The following PAXIP1 variants were observed in gnomAD, a reference collection of about 807,000 sequenced individuals.
The protein encoded by PAXIP1 is PAX interacting protein 1.
In PAXIP1, 19 loss-of-function variants were observed where a neutral mutation model predicts 140.6. The ratio of observed to expected loss-of-function variants is 0.14; its 90% CI spans 0.09 to 0.20. The LOEUF (loss-of-function observed/expected upper bound fraction) is 0.20, where lower values mean the gene tolerates loss of function less well. Among genes scored for constraint, PAXIP1 ranks in the 10% least tolerant of loss-of-function variants. PAXIP1 has a pLI of 1.00. For synonymous variants in PAXIP1, 442 were observed against 444.6 expected (o/e 0.99, Z 0.07); for missense variants, 920 against 1,208.6 (o/e 0.76, Z 3.54).
chr7:154,944,076 G>T lies in PAXIP1; in HGVS notation c.*73C>A. On this transcript the variant is annotated 3_prime_UTR_variant, in exon 21 of 21. Transcript: ENST00000404141. ...GAAAACAAGAGCATGTGAAGGAAGC[G>T]CAGCAGCTCCTCGCCAGCCAGACAG... 1 of 1,458,910 alleles carries T rather than the reference G, an allele frequency of 6.9e-7. No individual in the cohort carries two copies. Among genetic ancestry groups the T allele is most frequent in the Non-Finnish European group, 9.6e-7 (1 of 1,044,136 alleles). The allele number at this position is 1,458,910 out of a possible 1,614,324, so 90.4% of individuals were successfully genotyped here. A position where few individuals can be genotyped will look rare whatever the true frequency, so the allele number is the denominator to read the frequency against.
At chr7:154,997,107 G>C (rs1810668518) in intron 2 of PAXIP1, among the ~76,000 whole-genome samples, 1 of 152,174 alleles carries the variant, frequency 6.6e-6, no homozygotes, top group Non-Finnish European at 1.5e-5. Flanking sequence ...TTCCAAAGAA[G>C]AGGGTGCCCC....
At chr7:154,981,241 C>T (rs1462193676) in intron 5 of PAXIP1, among the ~76,000 whole-genome samples, 14 of 152,268 alleles carry the variant, frequency 9.2e-5, no homozygotes, top group Non-Finnish European at 1.8e-4. Context: ...CACTGTACGC[C>T]GCAAGCAGCA....
At position 154,975,810 on chromosome 7, in the gene PAXIP1, T is replaced by G. The variant is rs1234003641; in HGVS notation, c.960A>C (p.Gln320His). 6.2e-7 allele frequency: 1 copy of G among 1,613,766 alleles called. No homozygotes were observed. The highest frequency in any genetic ancestry group is 8.5e-7 in the Non-Finnish European group (1 of 1,179,786). ...CTATCATTTCTGATCTTTCAGAACT[T>G]TGGAGGTTTTGTCCAGCAGCCATTA... The part of the protein sequence containing the change: ...GNLMAAGQNL[Q>H]SSERSEMIAT... Residue 320 changes from glutamine (Q) to histidine (H), a missense_variant, in exon 6 of 21, where the codon CAA (glutamine) becomes CAC (histidine). Gln to His is a conservative substitution (Grantham distance 24). Around this residue, in one of 5 missense-constraint regions of PAXIP1, gnomAD observed 419 missense variants for 514.7 expected, o/e 0.81. Coordinates refer to ENST00000404141, the MANE Select transcript of PAXIP1 (RefSeq NM_007349.4).
chr7:154,957,596 T>TC (rs1296404957), intron 13 of PAXIP1, among the ~76,000 whole-genome samples: 1 of 152,208 alleles, frequency 6.6e-6, no homozygotes, highest in African/African-American at 2.4e-5. Flanking sequence ...CTCCATGTTA[T>TC]ATATATGCAG....
intron 5 of PAXIP1, among the ~76,000 whole-genome samples, chr7:154,977,728 A>C (rs1809650241): frequency 6.6e-6 from 1 of 152,196 alleles, no homozygotes; most frequent in South Asian, 2.1e-4. Flanking sequence ...TATAGTTTAA[A>C]TTTATTTTTG....
chr7:154,944,322 C>T (rs1280012907), intron 20 of PAXIP1, 158 bp from the exon 21 acceptor site: 3 of 586,798 alleles, frequency 5.1e-6, no homozygotes, highest in Admixed American at 3.1e-5. Flanking sequence ...TGCATACCCA[C>T]ATCACAGGAG....
chr7:154,996,865 T>C, intron 2 of PAXIP1, among the ~76,000 whole-genome samples: 1 of 152,168 alleles, frequency 6.6e-6, no homozygotes, highest in East Asian at 1.9e-4. Flanking sequence ...GTCAGGCAGG[T>C]TTAAGAACTA....
chr7:154,962,762 G>A lies in PAXIP1; in HGVS notation c.1990-304C>T, dbSNP rs193137948. 6.8e-4 allele frequency: 131 copies of A among 193,766 alleles called. 1 individual carries two copies. In the East Asian group the frequency reaches 0.011, roughly 16 times the overall value. The allele number at this position is 193,766 out of a possible 1,614,324, so 12.0% of individuals were successfully genotyped here. A position where few individuals can be genotyped will look rare whatever the true frequency, so the allele number is the denominator to read the frequency against. ...ATGTGTGACCACCAAAGTTAAAAGT[G>A]CCCCATAAGGACAGAGGGCCCCACA... On this transcript the variant is annotated intron_variant, in intron 9 of 20. Coordinates refer to ENST00000404141, the MANE Select transcript of PAXIP1 (RefSeq NM_007349.4).
intron 5 of PAXIP1, among the ~76,000 whole-genome samples, chr7:154,978,176 G>T (rs1416025842): frequency 6.6e-6 from 1 of 152,184 alleles, no homozygotes; most frequent in Non-Finnish European, 1.5e-5. Context: ...GCCCTATTCA[G>T]ATCTCCCCAG....
intron 16 of PAXIP1, chr7:154,952,162 T>C (rs767472743): frequency 6.6e-6 from 1 of 152,246 alleles, no homozygotes; most frequent in Non-Finnish European, 1.5e-5. Flanking sequence ...TTTTCAAAAT[T>C]TCAATTAAAA....
intron 3 of PAXIP1, 65 bp downstream of exon 3, chr7:154,993,661 C>G: frequency 1.7e-6 from 2 of 1,195,366 alleles, no homozygotes; most frequent in Non-Finnish European, 2.4e-6. Context: ...CATTAACTAT[C>G]ATTTCTTTCA....
intron 8 of PAXIP1, chr7:154,967,180 A>G (rs1026379364): frequency 7.9e-5 from 12 of 152,334 alleles, no homozygotes; most frequent in African/African-American, 2.9e-4. Context: ...GATTTCGCAC[A>G]TATTCCCTAA....
chr7:154,972,735 A>G (rs533194339), intron 6 of PAXIP1, among the ~76,000 whole-genome samples: 1 of 152,186 alleles, frequency 6.6e-6, no homozygotes, highest in Non-Finnish European at 1.5e-5. Flanking sequence ...CATATCTCGC[A>G]TATCCCACTG....
In PAXIP1 at chr7:154,968,441, T is replaced by G. The variant is rs1202237014; in HGVS notation, c.1760A>C (p.Gln587Pro). Residue 587 changes from glutamine to proline, a missense_variant, in exon 7 of 21, where the codon CAG becomes CCG. This residue lies in a region of PAXIP1 where 3 missense variants were observed against 18.6 expected (regional missense o/e 0.16). Coordinates refer to ENST00000404141, the MANE Select transcript of PAXIP1 (RefSeq NM_007349.4). Reference protein sequence around the residue: ...QQQQQPPPSPQQHQLFGHDPA... With the variant: ...QQQQQPPPSPPQHQLFGHDPA... ...ATCATGTCCAAAAAGCTGATGCTGC[T>G]GAGGCGATGGTGGTGGCTGCTGTTG... The G allele has an allele frequency of 6.5e-7, 1 of 1,539,416 alleles. No individual in the cohort carries two copies. The highest frequency in any genetic ancestry group is 1.4e-5 in the African/African-American group (1 of 72,838).
chr7:154,970,776 A>G lies in PAXIP1; in HGVS notation c.1075-1650T>C, dbSNP rs1277057557. Among the ~76,000 whole-genome samples, 4 of 152,202 alleles carry G rather than the reference A, an allele frequency of 2.6e-5. No individual in the cohort carries two copies. The South Asian group carries it at 8.3e-4, about 31-fold the overall frequency. ...TGCTGGAAACAGCGGCTGCCTCTTG[A>G]GAAGGTAAACAGCAGCGAGGGGTGG... On this transcript the variant is annotated intron_variant, in intron 6 of 20. Coordinates refer to ENST00000404141, the MANE Select transcript of PAXIP1 (RefSeq NM_007349.4).
rs1015181241 is a variant in PAXIP1, at chr7:154,946,644, A to G, written c.3057+35T>C. On this transcript the variant is annotated intron_variant, in intron 18 of 20. Coordinates refer to ENST00000404141, the MANE Select transcript of PAXIP1 (RefSeq NM_007349.4). This position sits in a 1 kb window ranked among gnomAD's most constrained non-coding sequence, Gnocchi z 4.9. The stretch of plus-strand genomic sequence containing the variant: ...CGAACGCTGAATGTGATACAGGGCA[A>G]TGACGGACTCGCTGGCGGACTCCAC... The G allele has an allele frequency of 6.2e-7, 1 of 1,613,636 alleles. No homozygotes were observed. Among genetic ancestry groups the G allele is most frequent in the African/African-American group, 1.3e-5 (1 of 74,918 alleles).
At chr7:154,984,472 CA>C (rs1809977264) in intron 4 of PAXIP1, among the ~76,000 whole-genome samples, 1 of 152,188 alleles carries the variant, frequency 6.6e-6, no homozygotes, top group Admixed American at 6.5e-5. Context: ...TGCCAGTATG[CA>C]GCTTGCCAAT....
rs1808875862 is a variant in PAXIP1, at chr7:154,963,811, T to G, written c.1894-45A>C. On this transcript the variant is annotated intron_variant, in intron 8 of 20. Transcript: ENST00000404141. The surrounding 1 kb of genome is among the most constrained non-coding windows in gnomAD (Gnocchi z 4.1). ...CAATGCAGTCATCAATCACTCAGAA[T>G]AGAGGAGAATTCCAATTTCAAATAA... 4 of 1,303,496 alleles carry G rather than the reference T, an allele frequency of 3.1e-6. No homozygotes were observed. The highest frequency in any genetic ancestry group is 4.4e-6 in the Non-Finnish European group (4 of 906,112). The allele number at this position is 1,303,496 out of a possible 1,614,324, so 80.7% of individuals were successfully genotyped here. A position where few individuals can be genotyped will look rare whatever the true frequency, so the allele number is the denominator to read the frequency against.
chr7:154,967,901 T>C lies in PAXIP1; in HGVS notation c.1808A>G (p.Glu603Gly), dbSNP rs1809094437. 6.2e-7 allele frequency: 1 copy of C among 1,610,832 alleles called. No homozygotes were observed. The highest frequency in any genetic ancestry group is 8.5e-7 in the Non-Finnish European group (1 of 1,177,752). Residue 603 changes from glutamate (E) to glycine (G), a missense_variant, in exon 8 of 21, where the codon GAA becomes GGA. Around this residue, in one of 5 missense-constraint regions of PAXIP1, gnomAD observed 62 missense variants for 69.0 expected, o/e 0.90. Transcript: ENST00000404141. ...AAACACACATCCCAATAAGAAGCCT[T>C]CTTCTGGAACTAGAGTAAAATTACA... ...GHDPAVEIPEEGFLLGCVFAI... is the reference protein window; with the variant it reads ...GHDPAVEIPEGGFLLGCVFAI...
Sources: allele counts gnomAD v4.1 joint callset (sites outside exome capture counted in the v4.1 genomes callset), GRCh38; gene constraint gnomAD v4.1.1; regional missense constraint gnomAD v4.1.1; non-coding constraint Gnocchi (gnomAD v3.1); transcripts MANE v1.5; gene names NCBI Gene and HGNC (gene_info 2026-07-23, HGNC 2026-07-21).